ENPEP: variants seen among roughly 807,000 people sequenced by gnomAD.
ENPEP encodes the protein glutamyl aminopeptidase.
In ENPEP, 103 loss-of-function variants were observed where a neutral mutation model predicts 114.5. The observed-to-expected ratio is 0.90, with a 90% CI of 0.77 to 1.06. The LOEUF (loss-of-function observed/expected upper bound fraction) is 1.06. Ranked by LOEUF, ENPEP falls within the 50% of genes least tolerant of loss-of-function variation. The pLI is 0.00. For missense variants in ENPEP, 1,196 were observed against 1,161.3 expected (o/e 1.03, Z -0.43); for synonymous variants, 420 against 422.0 (o/e 1.00, Z 0.06).
At chr4:110,541,687 T>G (rs1407657989) in intron 11 of ENPEP, among the ~76,000 whole-genome samples, 1 of 152,168 alleles carries the variant, frequency 6.6e-6, no homozygotes, top group Non-Finnish European at 1.5e-5. Flanking sequence ...TAACATGGCA[T>G]GTGGCTCTTC....
intron 1 of ENPEP, among the ~76,000 whole-genome samples, chr4:110,483,603 C>T (rs888176091): frequency 8.5e-5 from 13 of 152,206 alleles, no homozygotes; most frequent in Middle Eastern, 3.4e-3. Context: ...CTTTTGGAAA[C>T]GACTAAATTG....
intron 18 of ENPEP, among the ~76,000 whole-genome samples, chr4:110,553,791 A>G (rs918682553): frequency 7.2e-5 from 11 of 152,106 alleles, no homozygotes; most frequent in East Asian, 5.8e-4. Context: ...TTAGTTCTCA[A>G]TTAATGTTTG....
chr4:110,561,413 G>T lies in ENPEP; in HGVS notation c.2729G>T (p.Ser910Ile). 2 of 1,613,730 alleles carry T rather than the reference G, an allele frequency of 1.2e-6. No individual in the cohort carries two copies. Reference protein sequence around the residue: ...NTELQLWQMESFFAKYPQAGA... With the variant: ...NTELQLWQMEIFFAKYPQAGA... ...CTCCCCTCTCTTTTCTAGATGGAGA[G>T]CTTTTTTGCAAAATATCCACAAGCT... Residue 910 changes from serine (S) to isoleucine (I), a missense_variant, in exon 20 of 20, where the codon AGC becomes ATC. Ser to Ile is a moderately radical substitution (Grantham distance 142). Coordinates refer to ENST00000265162, the MANE Select transcript of ENPEP (RefSeq NM_001977.4).
chr4:110,505,815 A>G (rs1725351051), intron 3 of ENPEP, among the ~76,000 whole-genome samples: 1 of 152,214 alleles, frequency 6.6e-6, no homozygotes, highest in Non-Finnish European at 1.5e-5. Flanking sequence ...ATATTGAGAA[A>G]TGCCTAAACA....
intron 10 of ENPEP, among the ~76,000 whole-genome samples, chr4:110,528,430 A>G (rs1281406380): frequency 1.3e-5 from 2 of 152,174 alleles, no homozygotes; most frequent in African/African-American, 4.8e-5. Context: ...ACTTCCATCT[A>G]CTTTCTGTTC....
intron 3 of ENPEP, among the ~76,000 whole-genome samples, chr4:110,501,004 A>G (rs1383392531): frequency 2.0e-5 from 3 of 152,196 alleles, no homozygotes; most frequent in Non-Finnish European, 4.4e-5. Context: ...AAAATCACCA[A>G]ATCCAAGCAT....
intron 11 of ENPEP, among the ~76,000 whole-genome samples, chr4:110,535,000 T>C (rs929293496): frequency 5.9e-5 from 9 of 152,236 alleles, no homozygotes; most frequent in African/African-American, 1.9e-4. Flanking sequence ...ATTTTAGTTA[T>C]GTCTCCATCT....
Position 110,515,409 on chromosome 4 carries a change from G to T in ENPEP, c.1476G>T (p.Trp492Cys), listed in dbSNP as rs1725724345. 6.3e-7 allele frequency: 1 copy of T among 1,590,658 alleles called. No homozygotes were observed. The highest frequency in any genetic ancestry group is 1.9e-5 in the Admixed American group (1 of 51,688). The change falls in exon 8 of 20, where the codon TGG becomes TGT. Residue 492 changes from tryptophan to cysteine, a missense_variant. Trp to Cys is a radical substitution (Grantham distance 215). Transcript: ENST00000265162. ...GSSILRMLED[W>C]IKPENFQKGC... ...CTATTTTGAGAATGCTTGAAGACTGGATAAAACCAGAGAATTTTCAAAAAG... is the reference window on the plus strand; with the variant it reads ...CTATTTTGAGAATGCTTGAAGACTGTATAAAACCAGAGAATTTTCAAAAAG...
chr4:110,513,334 T>A, intron 6 of ENPEP, 81 bp from the exon 7 acceptor site: 1 of 1,440,654 alleles, frequency 6.9e-7, no homozygotes, highest in Non-Finnish European at 9.3e-7. Flanking sequence ...TTTCCTCCAA[T>A]TTTTCTTATA....
chr4:110,557,834 C>G (rs72667911), intron 18 of ENPEP, among the ~76,000 whole-genome samples: 29 of 152,262 alleles, frequency 1.9e-4, no homozygotes, highest in Non-Finnish European at 3.5e-4. Flanking sequence ...ACACTGAAAT[C>G]ATGCTTGATT....
At chr4:110,529,530 T>A (rs923762240) in intron 10 of ENPEP, among the ~76,000 whole-genome samples, 1 of 151,720 alleles carries the variant, frequency 6.6e-6, no homozygotes, top group Non-Finnish European at 1.5e-5. Context: ...CTGAAGAGAG[T>A]AACTTTGACT....
intron 6 of ENPEP, among the ~76,000 whole-genome samples, chr4:110,511,507 A>G (rs974183536): frequency 3.3e-5 from 5 of 152,218 alleles, no homozygotes; most frequent in African/African-American, 1.2e-4. Context: ...TGCTGATTTT[A>G]TAATTTATTG....
Position 110,476,429 on chromosome 4 carries a change from G to A in ENPEP, c.15G>A (p.Glu5=), listed in dbSNP as rs61735573. The A allele has an allele frequency of 0.033, 49,638 of 1,516,030 alleles. 988 individuals are homozygous for A. Among genetic ancestry groups the A allele is most frequent in the Non-Finnish European group, 0.039 (44,224 of 1,131,102 alleles). 93.9% of individuals were successfully genotyped at this position (1,516,030 alleles called of 1,614,324 possible). A position where few individuals can be genotyped will look rare whatever the true frequency, so the allele number is the denominator to read the frequency against. Residue 5 remains glutamate, a synonymous_variant, in exon 1 of 20, where the codon GAG becomes GAA. Transcript: ENST00000265162. The part of the protein sequence containing the change: MNFA[E]REGSKRYCIQ... ...TGGAAGCAAAAATGAACTTTGCGGAGAGAGAGGGCTCTAAGAGATACTGCA... is the reference window on the plus strand; with the variant it reads ...TGGAAGCAAAAATGAACTTTGCGGAAAGAGAGGGCTCTAAGAGATACTGCA...
chr4:110,531,351 C>G, intron 11 of ENPEP, 74 bp downstream of exon 11: 1 of 1,158,900 alleles, frequency 8.6e-7, no homozygotes, highest in Non-Finnish European at 1.1e-6. Flanking sequence ...TATAAAGATG[C>G]AACAGTAAAG....
In ENPEP at chr4:110,477,844, T is replaced by A. The variant is rs191204591; in HGVS notation, c.644+786T>A. ...AATATCTATCTAGATAGATAGGTATTTATTCCACTTTCCCACCTATTTGTC... is the reference window on the plus strand; with the variant it reads ...AATATCTATCTAGATAGATAGGTATATATTCCACTTTCCCACCTATTTGTC... On this transcript the variant is annotated intron_variant, in intron 1 of 19. Transcript: ENST00000265162. Among the ~76,000 whole-genome samples, 44 of 152,306 alleles carry A rather than the reference T, an allele frequency of 2.9e-4. 1 individual carries two copies. Among genetic ancestry groups the A allele is most frequent in the African/African-American group, 9.9e-4 (41 of 41,562 alleles).
chr4:110,510,372 A>C lies in ENPEP; in HGVS notation c.1308+14A>C. 2 of 1,592,492 alleles carry C rather than the reference A, an allele frequency of 1.3e-6. No individual in the cohort carries two copies. The highest frequency in any genetic ancestry group is 1.7e-6 in the Non-Finnish European group (2 of 1,160,642). ...GACTGGCAAATGGTGAGTCCTAAACACATAAACTTGAAATCTCTCTTTTCC... is the reference window on the plus strand; with the variant it reads ...GACTGGCAAATGGTGAGTCCTAAACCCATAAACTTGAAATCTCTCTTTTCC... On this transcript the variant is annotated intron_variant, in intron 6 of 19. Coordinates refer to ENST00000265162, the MANE Select transcript of ENPEP (RefSeq NM_001977.4).
At chr4:110,537,752 T>G (rs1248421010) in intron 11 of ENPEP, among the ~76,000 whole-genome samples, 1 of 152,236 alleles carries the variant, frequency 6.6e-6, no homozygotes, top group Non-Finnish European at 1.5e-5. Context: ...GCTATCACCT[T>G]ACAAAATGTA....
chr4:110,549,299 G>T, intron 14 of ENPEP, 47 bp from the exon 15 acceptor site: 1 of 1,401,876 alleles, frequency 7.1e-7, no homozygotes, highest in Non-Finnish European at 1.0e-6. Context: ...GGATACTACT[G>T]ATATGTAGTA....
At chr4:110,533,351 G>C (rs1474812599) in intron 11 of ENPEP, 1 of 158,054 alleles carries the variant, frequency 6.3e-6, no homozygotes, top group African/African-American at 2.4e-5. Flanking sequence ...TTAATTACTA[G>C]ATTAATTCTT....
Sources: gnomAD v4.1 joint callset for allele counts (sites outside exome capture counted in the v4.1 genomes callset) on GRCh38, gnomAD v4.1.1 for gene constraint, MANE v1.5 for transcripts, NCBI Gene and HGNC (gene_info 2026-07-23, HGNC 2026-07-21) for gene names.